The following RTN4 variants were observed in gnomAD, a reference collection of about 807,000 sequenced individuals.
RTN4 encodes reticulon-4.
RTN4 carries 32 observed loss-of-function variants against 90.4 expected under a neutral mutation model. The ratio of observed to expected loss-of-function variants is 0.35; its 90% CI spans 0.27 to 0.48. The LOEUF (loss-of-function observed/expected upper bound fraction) is 0.48. Ranked by LOEUF, RTN4 falls within the 20% of genes least tolerant of loss-of-function variation. The pLI is 0.99. For missense variants in RTN4, 1,706 were observed against 1,430.2 expected (o/e 1.19, Z -3.11); for synonymous variants, 629 against 552.5 (o/e 1.14, Z -1.94).
At chr2:55,012,279 A>G (rs1260495526) in intron 3 of RTN4, among the ~76,000 whole-genome samples, 1 of 152,188 alleles carries the variant, frequency 6.6e-6, no homozygotes, top group Non-Finnish European at 1.5e-5. Flanking sequence ...ACTCATCTAA[A>G]CATTAAACAT....
At chr2:55,023,583 T>A (rs1681605807) in intron 3 of RTN4, among the ~76,000 whole-genome samples, 2 of 151,796 alleles carry the variant, frequency 1.3e-5, no homozygotes, top group Non-Finnish European at 2.9e-5. Context: ...CACATCCCCA[T>A]CCCCTTCTGA....
intron 3 of RTN4, among the ~76,000 whole-genome samples, chr2:54,997,912 A>G (rs1679558123): frequency 6.6e-6 from 1 of 152,198 alleles, no homozygotes. Context: ...AGTTATGTAT[A>G]GATAGGAATA....
chr2:55,051,140 C>A (rs762685096), upstream of RTN4, among the ~76,000 whole-genome samples: 1 of 152,112 alleles, frequency 6.6e-6, no homozygotes, highest in Non-Finnish European at 1.5e-5. Context: ...AACCGCAGCC[C>A]CCGAAATTGG....
At chr2:55,068,226 A>C (rs986010189) in intron 2 of RTN4, among the ~76,000 whole-genome samples, 3 of 152,216 alleles carry the variant, frequency 2.0e-5, no homozygotes, top group Admixed American at 2.0e-4. Flanking sequence ...ATCTGAAAGT[A>C]TATCGATGAA....
At chr2:55,048,005 C>T (rs1012670526) in intron 1 of RTN4, among the ~76,000 whole-genome samples, 1 of 152,164 alleles carries the variant, frequency 6.6e-6, no homozygotes, top group African/African-American at 2.4e-5. Flanking sequence ...AGTATACTTA[C>T]AGAAACCTAG....
chr2:54,973,461 GAT>G, intron 8 of RTN4, 100 bp downstream of exon 8: 1 of 939,844 alleles, frequency 1.1e-6, no homozygotes. Flanking sequence ...CTTAAGGTCT[GAT>G]AGAGATTTGT....
At chr2:55,064,809 T>C (rs1311926298) in intron 2 of RTN4, among the ~76,000 whole-genome samples, 1 of 152,244 alleles carries the variant, frequency 6.6e-6, no homozygotes, top group Non-Finnish European at 1.5e-5. Flanking sequence ...AATTATAATG[T>C]AAAATTCCAG....
chr2:55,072,455 T>A (rs1440949598), intron 2 of RTN4, among the ~76,000 whole-genome samples: 2 of 152,156 alleles, frequency 1.3e-5, no homozygotes, highest in African/African-American at 4.8e-5. Flanking sequence ...GGTCTCGATC[T>A]CCTGACCTCG....
intron 1 of RTN4, among the ~76,000 whole-genome samples, chr2:55,041,974 T>A (rs149336034): frequency 1.4e-4 from 21 of 152,172 alleles, no homozygotes; most frequent in African/African-American, 4.8e-4. Flanking sequence ...GACAAAAGGC[T>A]AGTTTCCTTA....
chr2:55,079,629 T>C (rs1668673251), intron 2 of RTN4, among the ~76,000 whole-genome samples: 1 of 152,106 alleles, frequency 6.6e-6, no homozygotes, highest in African/African-American at 2.4e-5. Context: ...CAGTTCAGAG[T>C]GTTAAAAGGT....
chr2:54,981,296 A>T (rs569012054), intron 5 of RTN4, among the ~76,000 whole-genome samples: 1,494 of 147,650 alleles, frequency 0.01, 8 homozygotes, highest in African/African-American at 0.016. Context: ...TTTTTTTTTT[A>T]AAAAGCACTT....
chr2:55,087,167 T>C (rs1467515373), intron 1 of RTN4, among the ~76,000 whole-genome samples: 2 of 152,246 alleles, frequency 1.3e-5, no homozygotes, highest in African/African-American at 4.8e-5. Context: ...CTGTGAACTA[T>C]GCTGCTGTGA....
At chr2:55,120,425 C>G in the RTN4 span, among the ~76,000 whole-genome samples, 499 of 152,194 alleles carry the variant, frequency 3.3e-3, 2 homozygotes, top group African/African-American at 0.011. Flanking sequence ...AACCTTCCTC[C>G]GGCCCAGGCT....
At chr2:55,033,281 T>C (rs1017922040) in intron 1 of RTN4, among the ~76,000 whole-genome samples, 1 of 152,152 alleles carries the variant, frequency 6.6e-6, no homozygotes, top group African/African-American at 2.4e-5. Flanking sequence ...CTCTCATTGA[T>C]GTAATCCAAA....
chr2:55,083,551 T>C (rs1243173525), intron 1 of RTN4, among the ~76,000 whole-genome samples: 1 of 152,042 alleles, frequency 6.6e-6, no homozygotes, highest in Non-Finnish European at 1.5e-5. Flanking sequence ...ATTTAAACTA[T>C]GATTAAAACA....
At chr2:55,098,135 G>A (rs1423711523) in intron 1 of RTN4, among the ~76,000 whole-genome samples, 1 of 151,968 alleles carries the variant, frequency 6.6e-6, no homozygotes, top group Non-Finnish European at 1.5e-5. Context: ...TTTAGATTAG[G>A]GCTAGTGTTG....
chr2:55,050,999 C>T (rs2104989282), upstream of RTN4, among the ~76,000 whole-genome samples: 1 of 152,180 alleles, frequency 6.6e-6, no homozygotes, highest in South Asian at 2.1e-4. This position sits in a 1 kb window ranked among gnomAD's most constrained non-coding sequence, Gnocchi z 4.6. Context: ...GGGAAGTGGG[C>T]CCTAAGGATT....
chr2:55,030,779 A>G (rs1242239504), intron 1 of RTN4, among the ~76,000 whole-genome samples: 1 of 152,174 alleles, frequency 6.6e-6, no homozygotes, highest in Admixed American at 6.6e-5. Context: ...CTTCTGAAGG[A>G]TGTATTTATG....
At chr2:55,029,323 C>G (rs1377690235) in intron 1 of RTN4, among the ~76,000 whole-genome samples, 1 of 152,148 alleles carries the variant, frequency 6.6e-6, no homozygotes, top group African/African-American at 2.4e-5. Context: ...TACGGCAGCC[C>G]AAGCTAACTA....
Sources: allele counts gnomAD v4.1 joint callset (sites outside exome capture counted in the v4.1 genomes callset), GRCh38; gene constraint gnomAD v4.1.1; non-coding constraint Gnocchi (gnomAD v3.1); transcripts MANE v1.5; gene names NCBI Gene and HGNC (gene_info 2026-07-23, HGNC 2026-07-21).